MACF1: variants seen among roughly 807,000 people sequenced by gnomAD.
MACF1 encodes microtubule-actin cross-linking factor 1.
In MACF1, 193 loss-of-function variants were observed where a neutral mutation model predicts 854.8. That is an observed-to-expected ratio of 0.23 (90% CI 0.20 to 0.25). MACF1 has a LOEUF of 0.25. Ranked by LOEUF, MACF1 falls within the 10% of genes least tolerant of loss-of-function variation. The pLI is 1.00. For missense variants in MACF1, 7,722 were observed against 8,929.1 expected (o/e 0.86, Z 5.45); for synonymous variants, 3,185 against 3,226.7 (o/e 0.99, Z 0.44).
chr1:39,266,307 C>G (rs1357393135), intron 6 of MACF1, among the ~76,000 whole-genome samples: 1 of 152,180 alleles, frequency 6.6e-6, no homozygotes, highest in Admixed American at 6.5e-5. Flanking sequence ...GAGTGAAGGC[C>G]TGGTACCTGC....
intron 2 of MACF1, among the ~76,000 whole-genome samples, chr1:39,234,754 C>T (rs1434252567): frequency 1.6e-5 from 2 of 124,336 alleles, no homozygotes; most frequent in Non-Finnish European, 3.5e-5. Context: ...TCAGACGGGG[C>T]GGTTGCCAGG....
chr1:39,281,525 C>G (rs1435307614), intron 6 of MACF1, among the ~76,000 whole-genome samples: 1 of 151,728 alleles, frequency 6.6e-6, no homozygotes, highest in African/African-American at 2.4e-5. Flanking sequence ...GAGTCTCACT[C>G]TGTCACTCAG....
chr1:39,434,786 TA>T (rs1171205251), intron 69 of MACF1, among the ~76,000 whole-genome samples, 154 bp downstream of exon 69: 2 of 152,254 alleles, frequency 1.3e-5, no homozygotes, highest in Non-Finnish European at 2.9e-5. Context: ...TAATCTGAAT[TA>T]TTTCCTTGGT....
chr1:39,204,550 T>A (rs1177067546), upstream of MACF1: 1 of 153,958 alleles, frequency 6.5e-6, no homozygotes. Context: ...TTCTGTGACT[T>A]TTTTCTTCTG....
chr1:39,169,566 A>G (rs1284352963), intron 2 of MACF1, among the ~76,000 whole-genome samples: 1 of 150,912 alleles, frequency 6.6e-6, no homozygotes, highest in African/African-American at 2.4e-5. Flanking sequence ...TGACCCTGTC[A>G]CTGCACTGTA....
At chr1:39,180,274 A>G (rs369126778) in intron 2 of MACF1, among the ~76,000 whole-genome samples, 1 of 152,076 alleles carries the variant, frequency 6.6e-6, no homozygotes, top group East Asian at 1.9e-4. Context: ...TCTGGTACTA[A>G]TGCAAAGATT....
chr1:39,360,026 TATATATATATATATATATATATATATAC>T (rs373281554), intron 47 of MACF1, among the ~76,000 whole-genome samples: 67 of 43,580 alleles, frequency 1.5e-3, no homozygotes, highest in Non-Finnish European at 1.9e-3. Flanking sequence ...TATATATATA[TATATATATATATATATATATATATATAC>T]ACACACACAC....
At chr1:39,185,499 TC>T (rs893616561) in intron 2 of MACF1, among the ~76,000 whole-genome samples, 10 of 151,282 alleles carry the variant, frequency 6.6e-5, no homozygotes, top group African/African-American at 2.4e-4. Context: ...AGGCCCAGTT[TC>T]TTTAAAAAAA....
At position 39,249,998 on chromosome 1, in the gene MACF1, T is replaced by G; in HGVS notation, c.172-16T>G. The G allele has an allele frequency of 6.7e-7, 1 of 1,499,294 alleles. No homozygotes were observed. The highest frequency in any genetic ancestry group is 1.1e-5 in the South Asian group (1 of 87,424). The allele number at this position is 1,499,294 out of a possible 1,614,324, so 92.9% of individuals were successfully genotyped here. On this transcript the variant is annotated splice_polypyrimidine_tract_variant and intron_variant, in intron 2 of 100. Transcript: ENST00000564288. ...AATATCAAATAAAAATCTGTCTGTT[T>G]CACTCTCATTCACAGGTCCGCAAGC...
rs191770582 is a variant in MACF1 at position 39,095,630 on chromosome 1, C to A, written c.220+11192C>A. On this transcript the variant is annotated intron_variant, in intron 2 of 93. Coordinates refer to the MACF1 transcript ENST00000361689. ...GAGTGGTGGCTCACACATATAATCC[C>A]AGCACTTTGGGAGGCCGAGGAAGGT... is the stretch of plus-strand genomic sequence containing the variant. 1.0e-3 allele frequency among the ~76,000 whole-genome samples: 152 copies of A among 150,562 alleles called. 1 individual carries two copies. Among genetic ancestry groups the A allele is most frequent in the Middle Eastern group, 7.0e-3 (2 of 286 alleles).
intron 6 of MACF1, among the ~76,000 whole-genome samples, chr1:39,276,110 A>G (rs1035436082): frequency 2.0e-5 from 3 of 151,862 alleles, no homozygotes; most frequent in Non-Finnish European, 4.4e-5. Flanking sequence ...TGTAGAGACA[A>G]TTTCTCACAG....
chr1:39,201,413 C>T (rs891766994), upstream of MACF1, among the ~76,000 whole-genome samples: 4 of 151,880 alleles, frequency 2.6e-5, no homozygotes, highest in African/African-American at 7.3e-5. Context: ...GCTGGAGTGG[C>T]GCGATTTTGG....
Position 39,105,508 on chromosome 1 carries a change from C to T in MACF1, c.220+21070C>T, listed in dbSNP as rs980799325. 10 of 1,014,506 alleles carry T rather than the reference C, an allele frequency of 9.9e-6. No individual in the cohort carries two copies. In the Middle Eastern group the frequency reaches 1.5e-3, roughly 150 times the overall value. 62.8% of individuals were successfully genotyped at this position (1,014,506 alleles called of 1,614,324 possible). ...GCGGGCGGACGGCGGAGAGCGAGGG[C>T]GCCGTCGCCGTCTCTGAGACGCACA... On this transcript the variant is annotated intron_variant, in intron 2 of 93. Transcript: ENST00000361689. This position sits in a 1 kb window ranked among gnomAD's most constrained non-coding sequence, Gnocchi z 5.9.
chr1:39,390,737 T>C (rs1228844623), intron 58 of MACF1, among the ~76,000 whole-genome samples: 1 of 152,226 alleles, frequency 6.6e-6, no homozygotes, highest in Non-Finnish European at 1.5e-5. Context: ...GCATCCAGGC[T>C]ATTTAGAATT....
chr1:39,104,085 A>T (rs1642160176), intron 2 of MACF1, among the ~76,000 whole-genome samples: 1 of 152,172 alleles, frequency 6.6e-6, no homozygotes, highest in Non-Finnish European at 1.5e-5. Flanking sequence ...TGTTGCATGA[A>T]TTCTTTTTTT....
intron 52 of MACF1, among the ~76,000 whole-genome samples, chr1:39,374,861 A>G (rs1649572492): frequency 6.6e-6 from 1 of 152,188 alleles, no homozygotes; most frequent in South Asian, 2.1e-4. Context: ...CTGTAATCCC[A>G]GCACTTTGGG....
intron 23 of MACF1, among the ~76,000 whole-genome samples, chr1:39,307,613 C>T (rs918501520): frequency 2.0e-5 from 3 of 152,178 alleles, no homozygotes; most frequent in Admixed American, 1.3e-4. Context: ...CGCTCTGTCG[C>T]CCAGGCTGGA....
rs1192045357 is a variant in MACF1, at chr1:39,393,181, T to TAAA, written c.15816+4537_15816+4539dup. Among the ~76,000 whole-genome samples the TAAA allele has an allele frequency of 1.5e-3, 136 of 90,254 alleles. 2 individuals carry two copies. The highest frequency in any genetic ancestry group is 5.6e-3 in the African/African-American group (115 of 20,436). The allele number at this position is 90,254 out of a possible 152,430, so 59.2% of individuals were successfully genotyped here. A position where few individuals can be genotyped will look rare whatever the true frequency, so the allele number is the denominator to read the frequency against. On this transcript the variant is annotated intron_variant, in intron 58 of 100. Transcript: ENST00000564288. ...CCTAGAGTGACCTTCCTGGGAAGGG[T>TAAA]AAAAAAAAAAAAAAAATATATATAT... is the stretch of plus-strand genomic sequence containing the variant.
rs979997504 is a variant in MACF1, at chr1:39,105,944, T to G, written c.220+21506T>G. On this transcript the variant is annotated intron_variant, in intron 2 of 93. Transcript: ENST00000361689. This position sits in a 1 kb window ranked among gnomAD's most constrained non-coding sequence, Gnocchi z 5.9. ...CGGCGCGCTCAGAGCGCCAGTTACA[T>G]GATTTGCCCTATTATCCGGCCCCAG... is the stretch of plus-strand genomic sequence containing the variant. Among the ~76,000 whole-genome samples, 3 of 152,094 alleles carry G rather than the reference T, an allele frequency of 2.0e-5. No individual in the cohort carries two copies. Among genetic ancestry groups the G allele is most frequent in the Non-Finnish European group, 2.9e-5 (2 of 67,996 alleles).
Sources: gnomAD v4.1 joint callset for allele counts (sites outside exome capture counted in the v4.1 genomes callset) on GRCh38, gnomAD v4.1.1 for gene constraint, Gnocchi (gnomAD v3.1) non-coding constraint, MANE v1.5 for transcripts, NCBI Gene and HGNC (gene_info 2026-07-23, HGNC 2026-07-21) for gene names.